ARID4A: variants seen among roughly 807,000 people sequenced by gnomAD.
ARID4A encodes AT-rich interactive domain-containing protein 4A.
Under a neutral mutation model 148.6 loss-of-function variants are expected in ARID4A, and 39 were observed. The observed-to-expected ratio is 0.26, with a 90% CI of 0.20 to 0.34. ARID4A has a LOEUF of 0.34. Ranked by LOEUF, ARID4A falls within the 10% of genes least tolerant of loss-of-function variation. The probability of loss-of-function intolerance (pLI) is 1.00; values close to 1 mark genes in which losing one functional copy is unlikely to be tolerated. For synonymous variants in ARID4A, 475 were observed against 481.2 expected, an observed-to-expected ratio of 0.99 and a Z score of 0.17; for missense variants, 1,265 against 1,449.1, an observed-to-expected ratio of 0.87 and a Z score of 2.06.
At chr14:58,345,796 A>C (rs1331101155) in intron 12 of ARID4A, among the ~76,000 whole-genome samples, 2 of 138,520 alleles carry the variant, frequency 1.4e-5, no homozygotes, top group Non-Finnish European at 3.0e-5. Flanking sequence ...GGTGGCGTGA[A>C]CATGGCTCCC....
chr14:58,306,467 T>C (rs926578377), intron 5 of ARID4A, among the ~76,000 whole-genome samples: 1 of 152,196 alleles, frequency 6.6e-6, no homozygotes, highest in Non-Finnish European at 1.5e-5. Flanking sequence ...TATACAAGGG[T>C]AATGTAGATG....
intron 15 of ARID4A, among the ~76,000 whole-genome samples, chr14:58,349,954 C>T (rs2034556505): frequency 6.6e-6 from 1 of 151,452 alleles, no homozygotes; most frequent in Non-Finnish European, 1.5e-5. Context: ...ACTAAAAATA[C>T]AAAAATTAGC....
At chr14:58,333,630 C>T (rs933403555) in intron 11 of ARID4A, among the ~76,000 whole-genome samples, 2 of 151,944 alleles carry the variant, frequency 1.3e-5, no homozygotes, top group Non-Finnish European at 2.9e-5. Context: ...TACATTAATG[C>T]CTAAGATTAT....
intron 11 of ARID4A, among the ~76,000 whole-genome samples, chr14:58,332,252 A>C (rs2033572123): frequency 6.6e-6 from 1 of 152,148 alleles, no homozygotes; most frequent in Admixed American, 6.5e-5. Flanking sequence ...AAGGAAGCTT[A>C]CAAGGATAGT....
chr14:58,335,784 C>T (rs2033783618), intron 11 of ARID4A, among the ~76,000 whole-genome samples: 1 of 152,156 alleles, frequency 6.6e-6, no homozygotes, highest in Non-Finnish European at 1.5e-5. Context: ...GATTCTTCTT[C>T]TCTTAACCCC....
intron 13 of ARID4A, 37 bp downstream of exon 13, chr14:58,346,542 G>C: frequency 7.1e-7 from 1 of 1,400,168 alleles, no homozygotes; most frequent in Admixed American, 1.8e-5. Flanking sequence ...ATGTATTGAT[G>C]TGGTAAAAAG....
intron 2 of ARID4A, among the ~76,000 whole-genome samples, chr14:58,300,095 G>A (rs1399252185): frequency 1.3e-5 from 2 of 152,188 alleles, no homozygotes; most frequent in African/African-American, 4.8e-5. Context: ...TTCAATTGTT[G>A]TCCATTCGGA....
chr14:58,353,579 C>G, intron 16 of ARID4A, 79 bp from the exon 17 acceptor site: 2 of 1,253,624 alleles, frequency 1.6e-6, no homozygotes, highest in Non-Finnish European at 2.3e-6. Context: ...TGTGAATAAT[C>G]TACCTGTTGG....
chr14:58,369,127 A>G (rs2035490726), intron 23 of ARID4A, among the ~76,000 whole-genome samples: 1 of 152,194 alleles, frequency 6.6e-6, no homozygotes, highest in East Asian at 1.9e-4. Context: ...TAAGAGAAAT[A>G]TGGAATCTGG....
At chr14:58,344,789 T>C in intron 12 of ARID4A, 22 bp downstream of exon 12, 4 of 1,555,148 alleles carry the variant, frequency 2.6e-6, no homozygotes, top group Non-Finnish European at 3.5e-6. Context: ...CTCATTATTT[T>C]AAAGTAGTCA....
At chr14:58,361,160 C>T in intron 19 of ARID4A, 118 bp downstream of exon 19, 2 of 1,410,378 alleles carry the variant, frequency 1.4e-6, no homozygotes. Context: ...AATAATAAAA[C>T]TTCCATTGTG....
chr14:58,304,110 T>C (rs918602969), intron 3 of ARID4A, among the ~76,000 whole-genome samples: 2 of 152,036 alleles, frequency 1.3e-5, no homozygotes, highest in African/African-American at 4.8e-5. Context: ...GTGTGATTTG[T>C]AGGTTAAATA....
chr14:58,346,348 G>C (rs2034364048), intron 12 of ARID4A, 63 bp from the exon 13 acceptor site: 1 of 1,215,508 alleles, frequency 8.2e-7, no homozygotes. Context: ...TGACCGCTTT[G>C]TTTTCAAATT....
chr14:58,326,439 A>G (rs1330512685), intron 8 of ARID4A, among the ~76,000 whole-genome samples: 2 of 152,162 alleles, frequency 1.3e-5, no homozygotes, highest in African/African-American at 4.8e-5. Flanking sequence ...TCTGTCTCAG[A>G]AAAAAAAGTA....
At chr14:58,318,008 A>T (rs1319715781) in intron 5 of ARID4A, among the ~76,000 whole-genome samples, 1 of 152,028 alleles carries the variant, frequency 6.6e-6, no homozygotes, top group East Asian at 1.9e-4. Flanking sequence ...GACTACTTAC[A>T]TCCTTTTCTA....
At chr14:58,341,020 C>T (rs191424943) in intron 11 of ARID4A, among the ~76,000 whole-genome samples, 128 of 151,794 alleles carry the variant, frequency 8.4e-4, no homozygotes, top group African/African-American at 2.9e-3. Context: ...TCTTTTCTTC[C>T]CTCTCCCCTT....
chr14:58,303,497 G>T, intron 3 of ARID4A: 1 of 470,256 alleles, frequency 2.1e-6, no homozygotes. Flanking sequence ...CTGTATTGCA[G>T]TTTGCTTTAT....
intron 18 of ARID4A, among the ~76,000 whole-genome samples, chr14:58,360,362 A>G (rs191516671): frequency 2.6e-4 from 39 of 152,346 alleles, no homozygotes; most frequent in Non-Finnish European, 5.0e-4. Context: ...CAAGACCACT[A>G]TCTTTCTTAA....
intron 3 of ARID4A, among the ~76,000 whole-genome samples, chr14:58,302,783 G>C (rs1019621493): frequency 2.0e-5 from 3 of 151,816 alleles, no homozygotes; most frequent in African/African-American, 7.3e-5. Context: ...GTGAGATCTT[G>C]TCTGTCCAGA....
Sources: allele counts gnomAD v4.1 joint callset (sites outside exome capture counted in the v4.1 genomes callset), GRCh38; gene constraint gnomAD v4.1.1; transcripts MANE v1.5; gene names NCBI Gene and HGNC (gene_info 2026-07-23, HGNC 2026-07-21).